Variants in ANKFN1 observed in about 807,000 individuals in gnomAD.
The protein encoded by ANKFN1 is ankyrin repeat and fibronectin type-III domain-containing protein 1.
Under a neutral mutation model 108.7 loss-of-function variants are expected in ANKFN1, and 74 were observed. The observed-to-expected ratio is 0.68, with a 90% CI of 0.56 to 0.83. The LOEUF (loss-of-function observed/expected upper bound fraction) is 0.83. Among genes scored for constraint, ANKFN1 ranks in the 40% least tolerant of loss-of-function variants. The pLI, the probability that ANKFN1 is intolerant of heterozygous loss-of-function variation, is 0.00. For synonymous variants in ANKFN1, 547 were observed against 516.2 expected (o/e 1.06, Z -0.81); for missense variants, 1,505 against 1,382.3 (o/e 1.09, Z -1.41).
chr17:56,064,734 G>A (rs975916044), intron 4 of ANKFN1, among the ~76,000 whole-genome samples: 4 of 152,230 alleles, frequency 2.6e-5, no homozygotes, highest in South Asian at 2.1e-4. Context: ...GCAGGCAGCC[G>A]CAGCTGTGGT....
At position 56,059,009 on chromosome 17, in the gene ANKFN1, T is replaced by C. The variant is rs931812395; in HGVS notation, c.288+12684T>C. On this transcript the variant is annotated intron_variant, in intron 4 of 12. Transcript: ENST00000635860. ...GTTCTAGATCCTTGAGGAGTCACCA[T>C]ACTATCTTCCACAATGGTTGAACTA... 2.0e-5 allele frequency among the ~76,000 whole-genome samples: 3 copies of C among 152,330 alleles called. No homozygotes were observed. In the South Asian group the frequency reaches 6.2e-4, roughly 32 times the overall value.
In ANKFN1 at chr17:56,197,528, G is replaced by A. The variant is rs141827693; in HGVS notation, c.-70-15070G>A. On this transcript the variant is annotated intron_variant, in intron 1 of 20. Coordinates refer to ENST00000682825, the MANE Select transcript of ANKFN1 (RefSeq NM_001370326.1). ...GTACACACAGCAAATTCCTAGGGAGGCTGCTGTTAGTTTCCATTTTCTTCT... is the reference window on the plus strand; with the variant it reads ...GTACACACAGCAAATTCCTAGGGAGACTGCTGTTAGTTTCCATTTTCTTCT... 3.1e-3 allele frequency among the ~76,000 whole-genome samples: 465 copies of A among 152,218 alleles called. 3 individuals carry two copies. Among genetic ancestry groups the A allele is most frequent in the Middle Eastern group, 0.02 (6 of 294 alleles).
intron 4 of ANKFN1, among the ~76,000 whole-genome samples, chr17:56,075,778 T>A (rs775803676): frequency 1.3e-5 from 2 of 152,142 alleles, no homozygotes; most frequent in Non-Finnish European, 2.9e-5. Flanking sequence ...ACATTGTGCA[T>A]TAGTAATTAT....
intron 1 of ANKFN1, among the ~76,000 whole-genome samples, chr17:56,193,461 T>A (rs1287645009): frequency 8.2e-4 from 118 of 143,596 alleles, no homozygotes; most frequent in African/African-American, 3.0e-3. Flanking sequence ...GTAGCGTTTT[T>A]AAAAAAAAAC....
At chr17:56,449,263 G>A in intron 11 of ANKFN1, 77 bp downstream of exon 11, 1 of 1,045,498 alleles carries the variant, frequency 9.6e-7, no homozygotes, top group South Asian at 1.5e-5. Flanking sequence ...TCCTAACTGG[G>A]TCATACCTTC....
At chr17:56,399,572 C>T (rs972164252) in intron 8 of ANKFN1, among the ~76,000 whole-genome samples, 3 of 151,670 alleles carry the variant, frequency 2.0e-5, no homozygotes, top group African/African-American at 7.3e-5. Context: ...TTTAGAGCAC[C>T]CATCACCCGA....
chr17:56,450,270 GA>G (rs144443488), intron 11 of ANKFN1, among the ~76,000 whole-genome samples: 67 of 148,694 alleles, frequency 4.5e-4, no homozygotes, highest in African/African-American at 7.9e-4. Context: ...TTTTTTAAAA[GA>G]AAAAAAAAAT....
At chr17:56,491,824 T>C (rs2051048833) in intron 18 of ANKFN1, among the ~76,000 whole-genome samples, 1 of 152,128 alleles carries the variant, frequency 6.6e-6, no homozygotes. Context: ...GCTACTTGGC[T>C]TTTTTTCTTT....
chr17:56,449,052 A>G (rs1226764026), intron 10 of ANKFN1, 27 bp from the exon 11 acceptor site: 2 of 1,600,614 alleles, frequency 1.2e-6, no homozygotes, highest in Admixed American at 1.7e-5. Context: ...TTAAAATTTC[A>G]CTATGTTTAT....
intron 4 of ANKFN1, among the ~76,000 whole-genome samples, chr17:56,067,113 C>T (rs941134834): frequency 2.0e-5 from 3 of 152,042 alleles, no homozygotes; most frequent in Non-Finnish European, 2.9e-5. Context: ...CAGCAGAACC[C>T]GGGAGGCAGA....
chr17:56,231,694 C>T (rs958932187), intron 3 of ANKFN1, among the ~76,000 whole-genome samples: 11 of 152,190 alleles, frequency 7.2e-5, no homozygotes, highest in Non-Finnish European at 1.5e-4. Context: ...CTAAATGTCA[C>T]TGCTTCTTGT....
chr17:56,170,807 T>TATATATACATACAC, intron 1 of ANKFN1, among the ~76,000 whole-genome samples: 1 of 61,464 alleles, frequency 1.6e-5, no homozygotes, highest in African/African-American at 7.0e-5. Flanking sequence ...TATATATATA[T>TATATATACATACAC]ACACACACAC....
intron 8 of ANKFN1, among the ~76,000 whole-genome samples, chr17:56,416,876 T>TA (rs1014281188): frequency 6.6e-6 from 1 of 152,218 alleles, no homozygotes. Context: ...TATGCAGCCA[T>TA]AAAAAAGAAT....
At chr17:56,209,899 A>T (rs1201696891) in intron 1 of ANKFN1, among the ~76,000 whole-genome samples, 1 of 152,044 alleles carries the variant, frequency 6.6e-6, no homozygotes, top group Non-Finnish European at 1.5e-5. Flanking sequence ...CTCCCCACTT[A>T]TGAGTGAGAA....
chr17:56,374,521 G>A, intron 7 of ANKFN1, 80 bp from the exon 8 acceptor site: 1 of 1,008,536 alleles, frequency 9.9e-7, no homozygotes, highest in Admixed American at 2.0e-5. Context: ...TTCATTTCAG[G>A]GTATCCTTTG....
chr17:56,420,313 A>G (rs2048361109), intron 8 of ANKFN1, among the ~76,000 whole-genome samples: 1 of 152,230 alleles, frequency 6.6e-6, no homozygotes, highest in East Asian at 1.9e-4. Context: ...TAGTCTCAGC[A>G]TCCTTGTGGG....
At chr17:56,127,876 C>A (rs1907030946) in intron 4 of ANKFN1, among the ~76,000 whole-genome samples, 1 of 152,196 alleles carries the variant, frequency 6.6e-6, no homozygotes, top group Non-Finnish European at 1.5e-5. Context: ...ATGCCATCAG[C>A]CTCCAAAGAT....
chr17:56,055,897 GA>G (rs1414892507), intron 4 of ANKFN1, among the ~76,000 whole-genome samples: 1 of 151,590 alleles, frequency 6.6e-6, no homozygotes, highest in African/African-American at 2.4e-5. Context: ...GTAGCTTTTA[GA>G]CTTTTTAATA....
intron 8 of ANKFN1, among the ~76,000 whole-genome samples, chr17:56,396,880 C>T (rs985738372): frequency 6.6e-6 from 1 of 152,056 alleles, no homozygotes; most frequent in Non-Finnish European, 1.5e-5. Context: ...AGCTTTTCCA[C>T]CACCCATCAG....
Sources: gnomAD v4.1 joint callset for allele counts (sites outside exome capture counted in the v4.1 genomes callset) on GRCh38, gnomAD v4.1.1 for gene constraint, MANE v1.5 for transcripts, NCBI Gene and HGNC (gene_info 2026-07-23, HGNC 2026-07-21) for gene names.